The following EMILIN2 variants were observed in gnomAD, a reference collection of about 807,000 sequenced individuals.
EMILIN2 encodes elastin microfibril interfacer 2, also known as EMILIN-2.
EMILIN2 carries 71 observed loss-of-function variants against 87.1 expected under a neutral mutation model. The ratio of observed to expected loss-of-function variants is 0.82; its 90% CI spans 0.67 to 0.99. EMILIN2 has a LOEUF of 0.99. Among genes scored for constraint, EMILIN2 ranks in the 50% least tolerant of loss-of-function variants. The probability of loss-of-function intolerance (pLI) is 0.00; values close to 1 mark genes in which losing one functional copy is unlikely to be tolerated. For synonymous variants in EMILIN2, 581 were observed against 563.4 expected, an observed-to-expected ratio of 1.03 and a Z score of -0.44; for missense variants, 1,407 against 1,371.8, an observed-to-expected ratio of 1.03 and a Z score of -0.40.
chr18:2,894,986 GGAAA>G lies in EMILIN2; in HGVS notation c.2359+2503_2359+2506del, dbSNP rs1353438213. 6.6e-6 allele frequency among the ~76,000 whole-genome samples: 1 copy of G among 152,132 alleles called. No individual in the cohort carries two copies. The highest frequency in any genetic ancestry group is 1.5e-5 in the Non-Finnish European group (1 of 68,028). ...TTCTAAAGCATTTGCAATCACAGTG[GGAAA>G]GAGACTCACAGGTCTGCAGAGAGAT... On this transcript the variant is annotated intron_variant, in intron 4 of 7. Coordinates refer to ENST00000254528, the MANE Select transcript of EMILIN2 (RefSeq NM_032048.3). This position sits in a 1 kb window ranked among gnomAD's most constrained non-coding sequence, Gnocchi z 5.0.
chr18:2,892,250 A>T lies in EMILIN2; in HGVS notation c.2123A>T (p.His708Leu), dbSNP rs1598500204. 1.2e-6 allele frequency: 2 copies of T among 1,613,842 alleles called. No individual in the cohort carries two copies. Among genetic ancestry groups the T allele is most frequent in the Non-Finnish European group, 1.7e-6 (2 of 1,179,754 alleles). ...EVSMVEGRVS[H>L]MEKTCSKLDS... is the part of the protein sequence containing the mutation. ...TCCATGGTGGAGGGCAGGGTGTCTC[A>T]TATGGAGAAAACTTGCAGCAAGCTG... Residue 708 changes from histidine (H) to leucine (L), a missense_variant, in exon 4 of 8, where the codon CAT (histidine) becomes CTT (leucine). His to Leu is a moderately conservative substitution (Grantham distance 99). Transcript: ENST00000254528.
At position 2,870,113 on chromosome 18, in the gene EMILIN2, C is replaced by T. The variant is rs541562175; in HGVS notation, c.258-14851C>T. On this transcript the variant is annotated intron_variant, in intron 2 of 7. Transcript: ENST00000254528. ...AAAATTAGCTGGGCGTGGTGGTGCA[C>T]GCCTGTGGTCCCAGCTACTCAGGAG... Among the ~76,000 whole-genome samples, 214 of 152,076 alleles carry T rather than the reference C, an allele frequency of 1.4e-3. 1 individual carries two copies. The highest frequency in any genetic ancestry group is 1.5e-3 in the African/African-American group (63 of 41,502).
chr18:2,856,924 T>G (rs1224187842), intron 2 of EMILIN2, among the ~76,000 whole-genome samples: 2 of 152,170 alleles, frequency 1.3e-5, no homozygotes, highest in Non-Finnish European at 2.9e-5. Flanking sequence ...TGACTAAAAC[T>G]AAACATGCCA....
chr18:2,875,329 T>C lies in EMILIN2; in HGVS notation c.258-9635T>C, dbSNP rs1369024251. Among the ~76,000 whole-genome samples, 3 of 152,320 alleles carry C rather than the reference T, an allele frequency of 2.0e-5. No homozygotes were observed. The East Asian group carries it at 5.8e-4, about 29-fold the overall frequency. On this transcript the variant is annotated intron_variant, in intron 2 of 7. Transcript: ENST00000254528. Reference sequence around the variant, plus strand: ...CACGCTCATGGCTCAGGCCAGCAGATGTTCTCATGGCCGTGCCGTGGGAAC... The same window carrying C: ...CACGCTCATGGCTCAGGCCAGCAGACGTTCTCATGGCCGTGCCGTGGGAAC...
At chr18:2,879,261 G>A (rs940184113) in intron 2 of EMILIN2, among the ~76,000 whole-genome samples, 8 of 152,308 alleles carry the variant, frequency 5.3e-5, no homozygotes, top group East Asian at 3.9e-4. Context: ...AGATGTTCAC[G>A]CTGCCCAACA....
intron 2 of EMILIN2, among the ~76,000 whole-genome samples, chr18:2,851,038 T>G (rs1484997283): frequency 6.8e-6 from 1 of 148,086 alleles, no homozygotes; most frequent in Non-Finnish European, 1.5e-5. Context: ...GAGTGAGTCA[T>G]GAAGAAACTT....
chr18:2,909,849 T>C, intron 7 of EMILIN2, 30 bp downstream of exon 7: 1 of 1,605,494 alleles, frequency 6.2e-7, no homozygotes, highest in Non-Finnish European at 8.5e-7. Flanking sequence ...TGGTACTGTG[T>C]CCTCCTCCTA....
intron 2 of EMILIN2, among the ~76,000 whole-genome samples, chr18:2,860,559 A>T (rs1473437471): frequency 6.6e-6 from 1 of 152,154 alleles, no homozygotes; most frequent in Non-Finnish European, 1.5e-5. Context: ...CCTACAAAGG[A>T]CATGAACTCA....
At chr18:2,874,565 A>G (rs1389924055) in intron 2 of EMILIN2, among the ~76,000 whole-genome samples, 1 of 152,092 alleles carries the variant, frequency 6.6e-6, no homozygotes, top group Non-Finnish European at 1.5e-5. Context: ...TTCCAGAAAC[A>G]CCATGCCCCT....
chr18:2,906,696 C>A, intron 4 of EMILIN2, 87 bp from the exon 5 acceptor site: 1 of 1,082,772 alleles, frequency 9.2e-7, no homozygotes, highest in Non-Finnish European at 1.2e-6. Context: ...ACCCCGCTCG[C>A]CGGGACTCAT....
chr18:2,912,909 T>C (rs2076947978), intron 7 of EMILIN2, among the ~76,000 whole-genome samples, 158 bp from the exon 8 acceptor site: 2 of 152,012 alleles, frequency 1.3e-5, no homozygotes, highest in South Asian at 2.1e-4. Flanking sequence ...CTGTAGGGGA[T>C]GAGCATAAAA....
chr18:2,892,406 A>G lies in EMILIN2; in HGVS notation c.2279A>G (p.Asn760Ser). ...TCCAGAGACATTTCTGGCCTGAAGAATTCAGTCCAGCAGTTCTACAGCCAC... is the reference window on the plus strand; with the variant it reads ...TCCAGAGACATTTCTGGCCTGAAGAGTTCAGTCCAGCAGTTCTACAGCCAC... Reference protein sequence around the residue: ...SHSRDISGLKNSVQQFYSHVF... With the variant: ...SHSRDISGLKSSVQQFYSHVF... The change falls in exon 4 of 8, where the codon AAT becomes AGT. Residue 760 changes from asparagine to serine, a missense_variant. Physicochemically the swap from Asn to Ser is conservative, Grantham distance 46 (BLOSUM62 1). Coordinates refer to ENST00000254528, the MANE Select transcript of EMILIN2 (RefSeq NM_032048.3). 1 of 1,614,068 alleles carries G rather than the reference A, an allele frequency of 6.2e-7. No individual in the cohort carries two copies. Among genetic ancestry groups the G allele is most frequent in the Non-Finnish European group, 8.5e-7 (1 of 1,180,016 alleles).
chr18:2,902,669 T>C (rs1463976520), intron 4 of EMILIN2, among the ~76,000 whole-genome samples: 2 of 152,130 alleles, frequency 1.3e-5, no homozygotes, highest in Admixed American at 6.5e-5. Context: ...AGAGAGTCAG[T>C]TTGATTTTTA....
rs201421289 is a variant in EMILIN2 at position 2,913,165 on chromosome 18, G to T, written c.2923G>T (p.Ala975Ser). ...YVEAVLSVSN[A>S]SVAQLHTAGY... Reference sequence around the variant, plus strand: ...GGAAGCAGTGCTGTCGGTCTCCAACGCCAGCGTGGCCCAGCTGCATACCGC... The same window carrying T: ...GGAAGCAGTGCTGTCGGTCTCCAACTCCAGCGTGGCCCAGCTGCATACCGC... The change falls in exon 8 of 8, where the codon GCC becomes TCC. Residue 975 changes from alanine to serine, a missense_variant. Ala to Ser is a moderately conservative substitution (Grantham distance 99). Coordinates refer to ENST00000254528, the MANE Select transcript of EMILIN2 (RefSeq NM_032048.3). 4 of 1,613,684 alleles carry T rather than the reference G, an allele frequency of 2.5e-6. No individual in the cohort carries two copies. The Admixed American group carries it at 6.7e-5, about 27-fold the overall frequency.
intron 5 of EMILIN2, among the ~76,000 whole-genome samples, chr18:2,907,702 A>G (rs996022444): frequency 6.6e-6 from 1 of 152,206 alleles, no homozygotes. Flanking sequence ...CATTTGTGGG[A>G]TACCCACCAC....
At chr18:2,906,530 A>T in intron 4 of EMILIN2, 1 of 347,216 alleles carries the variant, frequency 2.9e-6, no homozygotes, top group Non-Finnish European at 5.2e-6. Context: ...TGGAAAGTGC[A>T]GCCGTCTGCG....
chr18:2,876,614 AAATT>A (rs2076749471), intron 2 of EMILIN2, among the ~76,000 whole-genome samples: 1 of 136,040 alleles, frequency 7.4e-6, no homozygotes, highest in Non-Finnish European at 1.6e-5. Context: ...AAAATACAAA[AAATT>A]AGCCGGGTGT....
chr18:2,865,121 A>AT (rs1311931471), intron 2 of EMILIN2, among the ~76,000 whole-genome samples: 5 of 151,640 alleles, frequency 3.3e-5, no homozygotes, highest in South Asian at 2.1e-4. Context: ...CATTTGTCTA[A>AT]TTTTTTTTCA....
In EMILIN2 at chr18:2,858,557, ATATATATATATATG is replaced by A. The variant is rs1333765348; in HGVS notation, c.257+10628_257+10641del. On this transcript the variant is annotated intron_variant, in intron 2 of 7. Transcript: ENST00000254528. ...TATATATATATATATATATATATATATATATATATATATGTGTGTGTGTGTGTATATATATATAT... is the reference window on the plus strand; with the variant it reads ...TATATATATATATATATATATATATATGTGTGTGTGTGTATATATATATAT... Among the ~76,000 whole-genome samples, 388 of 54,484 alleles carry A rather than the reference ATATATATATATATG, an allele frequency of 7.1e-3. 24 individuals carry two copies. The highest frequency in any genetic ancestry group is 0.047 in the Admixed American group (243 of 5,162). 35.7% of individuals were successfully genotyped at this position (54,484 alleles called of 152,430 possible). A position where few individuals can be genotyped will look rare whatever the true frequency, so the allele number is the denominator to read the frequency against.
Sources: gnomAD v4.1 joint callset for allele counts (sites outside exome capture counted in the v4.1 genomes callset) on GRCh38, gnomAD v4.1.1 for gene constraint, Gnocchi (gnomAD v3.1) non-coding constraint, MANE v1.5 for transcripts, NCBI Gene and HGNC (gene_info 2026-07-23, HGNC 2026-07-21) for gene names.